TLE1: variants seen among roughly 807,000 people sequenced by gnomAD.
The protein encoded by TLE1 is TLE family member 1, transcriptional corepressor.
TLE1 carries 21 observed loss-of-function variants against 89.8 expected under a neutral mutation model. The ratio of observed to expected loss-of-function variants is 0.23; its 90% confidence interval spans 0.17 to 0.34. The LOEUF (loss-of-function observed/expected upper bound fraction) is 0.34, where lower values mean the gene tolerates loss of function less well. TLE1 is among the 10% of genes least tolerant of loss of function. The pLI, the probability that TLE1 is intolerant of heterozygous loss-of-function variation, is 1.00. For synonymous variants in TLE1, 447 were observed against 407.6 expected, an observed-to-expected ratio of 1.10 and a Z score of -1.16; for missense variants, 795 against 1,031.2, an observed-to-expected ratio of 0.77 and a Z score of 3.14.
intron 17 of TLE1, among the ~76,000 whole-genome samples, 190 bp downstream of exon 17, chr9:81,587,491 G>T (rs1419295150): frequency 6.6e-6 from 1 of 152,166 alleles, no homozygotes; most frequent in Non-Finnish European, 1.5e-5. Context: ...CTCTAGTTTT[G>T]GGGAAGGTAG....
chr9:81,647,919 A>G (rs1829056154), intron 6 of TLE1, among the ~76,000 whole-genome samples: 1 of 152,194 alleles, frequency 6.6e-6, no homozygotes, highest in African/African-American at 2.4e-5. Flanking sequence ...ATTGTTTACT[A>G]TTAATATTTT....
At chr9:81,589,863 A>G (rs1291791559) in intron 16 of TLE1, among the ~76,000 whole-genome samples, 5 of 152,170 alleles carry the variant, frequency 3.3e-5, no homozygotes, top group Non-Finnish European at 7.3e-5. Flanking sequence ...CCCAGCAAAC[A>G]GAAGAGGAAA....
intron 14 of TLE1, chr9:81,599,972 A>C: frequency 1.7e-6 from 1 of 587,050 alleles, no homozygotes; most frequent in Non-Finnish European, 3.1e-6. Flanking sequence ...AAGCAAAGAA[A>C]ACAAGAAACA....
intron 10 of TLE1, among the ~76,000 whole-genome samples, chr9:81,616,348 C>T (rs1451504110): frequency 6.6e-6 from 1 of 152,056 alleles, no homozygotes; most frequent in African/African-American, 2.4e-5. Flanking sequence ...AGTCATATCC[C>T]TCTTTGTGCC....
chr9:81,689,485 G>A lies in TLE1; in HGVS notation c.-1245C>T, dbSNP rs1379107343. Among the ~76,000 whole-genome samples the A allele has an allele frequency of 3.3e-5, 5 of 152,158 alleles. No homozygotes were observed. Among genetic ancestry groups the A allele is most frequent in the Non-Finnish European group, 5.9e-5 (4 of 68,008 alleles). On this transcript the variant is annotated 5_prime_UTR_variant, in exon 1 of 20. Coordinates refer to ENST00000376499, the MANE Select transcript of TLE1 (RefSeq NM_005077.5). ...AGTACCCGCCGCTGTTTCTGCTGCT[G>A]CTGCTTCTGCAGCCGCCGCTCCCAC...
intron 1 of TLE1, 45 bp from the exon 2 acceptor site, chr9:81,687,479 G>A (rs779167283): frequency 1.7e-4 from 243 of 1,470,504 alleles, no homozygotes; most frequent in Non-Finnish European, 2.2e-4. Flanking sequence ...GAATGCGGGC[G>A]GATGAATAAA....
chr9:81,617,789 G>A (rs968782941), intron 9 of TLE1, among the ~76,000 whole-genome samples: 1 of 152,150 alleles, frequency 6.6e-6, no homozygotes, highest in African/African-American at 2.4e-5. Context: ...ACTTTGGGAG[G>A]CCGAGGCAGG....
At chr9:81,630,564 A>G (rs1826453773) in intron 8 of TLE1, among the ~76,000 whole-genome samples, 1 of 152,186 alleles carries the variant, frequency 6.6e-6, no homozygotes, top group Non-Finnish European at 1.5e-5. Context: ...AGATAAACAA[A>G]AAGTTCTTCA....
intron 14 of TLE1, among the ~76,000 whole-genome samples, chr9:81,601,601 G>GAA (rs199834935): frequency 2.6e-5 from 3 of 116,120 alleles, no homozygotes; most frequent in Non-Finnish European, 5.6e-5. Flanking sequence ...TACAGTGCCA[G>GAA]AAAAAAAAAA....
At chr9:81,642,709 A>AGAAAG (rs1554686034) in intron 6 of TLE1, among the ~76,000 whole-genome samples, 34 of 150,482 alleles carry the variant, frequency 2.3e-4, no homozygotes, top group Admixed American at 1.2e-3. Context: ...ATGAAAGAAA[A>AGAAAG]GAAAGAAAGG....
chr9:81,593,138 C>T lies in TLE1; in HGVS notation c.1468G>A (p.Val490Met). The change falls in exon 15 of 20, where the codon GTG becomes ATG. Residue 490 changes from valine (V) to methionine (M), a missense_variant. Around this residue, in one of 4 missense-constraint regions of TLE1, gnomAD observed 468 missense variants for 509.1 expected, o/e 0.92. Coordinates refer to ENST00000376499, the MANE Select transcript of TLE1 (RefSeq NM_005077.5). ...TGTCTCGTGGGGTTGCTGATGGTCA[C>T]AGCGCACACCACCTCCCCGTGGTTG... is the stretch of plus-strand genomic sequence containing the variant. ...TLNHGEVVCAVTISNPTRHVY... is the reference protein window; with the variant it reads ...TLNHGEVVCAMTISNPTRHVY... 3 of 1,614,166 alleles carry T rather than the reference C, an allele frequency of 1.9e-6. No homozygotes were observed. Among genetic ancestry groups the T allele is most frequent in the Non-Finnish European group, 2.5e-6 (3 of 1,180,042 alleles).
At chr9:81,674,290 C>G (rs1373883172) in intron 4 of TLE1, among the ~76,000 whole-genome samples, 1 of 152,202 alleles carries the variant, frequency 6.6e-6, no homozygotes, top group African/African-American at 2.4e-5. Flanking sequence ...CTGTGCGTGT[C>G]AATACACTGG....
intron 14 of TLE1, among the ~76,000 whole-genome samples, chr9:81,604,111 A>C (rs1831316922): frequency 6.6e-6 from 1 of 152,178 alleles, no homozygotes; most frequent in African/African-American, 2.4e-5. Context: ...TAAATTCTTA[A>C]TAAGACTTGC....
intron 6 of TLE1, among the ~76,000 whole-genome samples, chr9:81,639,154 G>A (rs1044393355): frequency 6.6e-6 from 1 of 151,986 alleles, no homozygotes; most frequent in Admixed American, 6.6e-5. Flanking sequence ...TGGAACTCCT[G>A]TTTTCAAGCA....
chr9:81,603,588 G>C (rs1831234326), intron 14 of TLE1, among the ~76,000 whole-genome samples: 1 of 152,118 alleles, frequency 6.6e-6, no homozygotes, highest in South Asian at 2.1e-4. Flanking sequence ...AATAACCTTT[G>C]TCTCCCACAA....
rs1434475593 is a variant in TLE1 at position 81,610,273 on chromosome 9, G to A, written c.1278C>T (p.His426=). The change falls in exon 14 of 20, where the codon CAC becomes CAT. Residue 426 remains histidine, a synonymous_variant. Coordinates refer to ENST00000376499, the MANE Select transcript of TLE1 (RefSeq NM_005077.5). ...TTGGAGGAATGGTAGGTACTCTCATGTGAGGGGGAGGATCAAACCCCACCT... is the reference window on the plus strand; with the variant it reads ...TTGGAGGAATGGTAGGTACTCTCATATGAGGGGGAGGATCAAACCCCACCT... ...SPMVGFDPPP[H]MRVPTIPPNL... is the part of the protein sequence containing the mutation. The A allele has an allele frequency of 1.2e-6, 2 of 1,613,994 alleles. No individual in the cohort carries two copies. Among genetic ancestry groups the A allele is most frequent in the East Asian group, 2.2e-5 (1 of 44,872 alleles).
At chr9:81,627,033 G>A (rs1279250092) in intron 8 of TLE1, among the ~76,000 whole-genome samples, 4 of 152,076 alleles carry the variant, frequency 2.6e-5, no homozygotes, top group Non-Finnish European at 5.9e-5. Flanking sequence ...TTGCTCTCCA[G>A]CCCCTGTTGA....
At chr9:81,663,033 A>G (rs1277190052) in intron 4 of TLE1, among the ~76,000 whole-genome samples, 1 of 152,162 alleles carries the variant, frequency 6.6e-6, no homozygotes, top group Non-Finnish European at 1.5e-5. Flanking sequence ...TTTTTAGTAG[A>G]TGGGGTTTCA....
rs146458470 is a variant in TLE1 at position 81,620,102 on chromosome 9, A to G, written c.711+339T>C. ...TTATTCAAAAATTGAGAACGCAAAG[A>G]TGGTGAGATCAGAGCATTACACCAA... On this transcript the variant is annotated intron_variant, in intron 9 of 19. Coordinates refer to ENST00000376499, the MANE Select transcript of TLE1 (RefSeq NM_005077.5). Among the ~76,000 whole-genome samples, 924 of 152,276 alleles carry G rather than the reference A, an allele frequency of 6.1e-3. 7 individuals are homozygous for G. The highest frequency in any genetic ancestry group is 0.021 in the African/African-American group (871 of 41,530).
Sources: allele counts gnomAD v4.1 joint callset (sites outside exome capture counted in the v4.1 genomes callset), GRCh38; gene constraint gnomAD v4.1.1; regional missense constraint gnomAD v4.1.1; transcripts MANE v1.5; gene names NCBI Gene and HGNC (gene_info 2026-07-23, HGNC 2026-07-21).